TGM7: variants seen among roughly 807,000 people sequenced by gnomAD.
The protein encoded by TGM7 is protein-glutamine gamma-glutamyltransferase Z.
A neutral mutation model predicts 79.5 loss-of-function variants in TGM7; 74 were observed. The ratio of observed to expected loss-of-function variants is 0.93; its 90% CI spans 0.77 to 1.13. The LOEUF (loss-of-function observed/expected upper bound fraction) is 1.13, where lower values mean the gene tolerates loss of function less well. Ranked by LOEUF, TGM7 falls within the 50% of genes most tolerant of loss-of-function variation. TGM7 has a pLI of 0.00. For missense variants in TGM7, 912 were observed against 905.9 expected (o/e 1.01, Z -0.09); for synonymous variants, 354 against 362.5 (o/e 0.98, Z 0.27).
chr15:43,283,446 G>A (rs2042919529), intron 7 of TGM7, among the ~76,000 whole-genome samples: 1 of 151,622 alleles, frequency 6.6e-6, no homozygotes, highest in African/African-American at 2.4e-5. Flanking sequence ...GTTACATTGG[G>A]ATTTGAAAAC....
rs762405637 is a variant in TGM7, at chr15:43,284,813, C to A, written c.1004+1G>T. 7 of 1,614,172 alleles carry A rather than the reference C, an allele frequency of 4.3e-6. No homozygotes were observed. Among genetic ancestry groups the A allele is most frequent in the Non-Finnish European group, 5.9e-6 (7 of 1,180,012 alleles). Reference sequence around the variant, plus strand: ...GATCTGTTCAAGACAGTGCCTCTCACCATATTTTGTCTCGTTTCTGAGTTG... The same window carrying A: ...GATCTGTTCAAGACAGTGCCTCTCAACATATTTTGTCTCGTTTCTGAGTTG... On this transcript the variant is annotated splice_donor_variant, in intron 7 of 12. Transcript: ENST00000452443. LOFTEE classifies it high-confidence loss of function.
At chr15:43,300,549 C>T (rs2043020559) in intron 1 of TGM7, among the ~76,000 whole-genome samples, 1 of 152,222 alleles carries the variant, frequency 6.6e-6, no homozygotes, top group Non-Finnish European at 1.5e-5. Flanking sequence ...CGCCTGTAAT[C>T]CCAGCACTTT....
At chr15:43,302,217 G>T (rs376967159) in intron 1 of TGM7, 24 bp downstream of exon 1, 47 of 1,613,944 alleles carry the variant, frequency 2.9e-5, no homozygotes, top group Non-Finnish European at 3.9e-5. Context: ...CCTCCGAAAA[G>T]GTAAGTCGAT....
chr15:43,293,502 A>G lies in TGM7; in HGVS notation c.140T>C (p.Phe47Ser). The G allele has an allele frequency of 6.2e-7, 1 of 1,611,568 alleles. No individual in the cohort carries two copies. Among genetic ancestry groups the G allele is most frequent in the Non-Finnish European group, 8.5e-7 (1 of 1,179,400 alleles). ...RGQPFYLRLS[F>S]SRPFQSQNDH... ...GTTCTGGGACTGGAAGGGTCGGCTGAAGCTCAGCCGGAGGTAGAAGGGCTG... is the reference window on the plus strand; with the variant it reads ...GTTCTGGGACTGGAAGGGTCGGCTGGAGCTCAGCCGGAGGTAGAAGGGCTG... Residue 47 changes from phenylalanine (F) to serine (S), a missense_variant, in exon 2 of 13, where the codon TTC becomes TCC. Coordinates refer to ENST00000452443, the MANE Select transcript of TGM7 (RefSeq NM_052955.3).
Position 43,292,743 on chromosome 15 carries a change from T to C in TGM7, c.405A>G (p.Gly135=). The change falls in exon 3 of 13, where the codon GGA becomes GGG. Residue 135 remains glycine (G), a synonymous_variant. Transcript: ENST00000452443. The part of the protein sequence containing the change: ...GQGHSVTYPL[G]TFILLFNPWS... ...AAGGGTTAAAAAGTAGGATGAAAGTTCCCAGCGGGTAAGTCACACTGTGAC... is the reference window on the plus strand; with the variant it reads ...AAGGGTTAAAAAGTAGGATGAAAGTCCCCAGCGGGTAAGTCACACTGTGAC... 1.2e-6 allele frequency: 2 copies of C among 1,614,140 alleles called. No individual in the cohort carries two copies. The highest frequency in any genetic ancestry group is 1.7e-6 in the Non-Finnish European group (2 of 1,180,032).
At chr15:43,280,849 G>A (rs568646781) in intron 9 of TGM7, among the ~76,000 whole-genome samples, 62 of 152,308 alleles carry the variant, frequency 4.1e-4, no homozygotes, top group Non-Finnish European at 6.3e-4. Context: ...TAAGAAAAGA[G>A]AAGGAGAAAA....
chr15:43,290,174 C>T (rs1039120968), intron 4 of TGM7, among the ~76,000 whole-genome samples: 14 of 152,136 alleles, frequency 9.2e-5, no homozygotes, highest in Non-Finnish European at 1.9e-4. Flanking sequence ...CCTAGGTTTT[C>T]TTCTAGGGTT....
rs200904001 is a variant in TGM7, at chr15:43,296,166, CT to C, written c.11-2536del. On this transcript the variant is annotated intron_variant, in intron 1 of 12. Transcript: ENST00000452443. ...AGCAGCCGGGTGAGGTGGCTCACGC[CT>C]GTAATCCCAGCACTTTGGGAGGCCA... Among the ~76,000 whole-genome samples the C allele has an allele frequency of 7.7e-3, 1,168 of 152,302 alleles. 7 individuals are homozygous for C. The highest frequency in any genetic ancestry group is 0.019 in the South Asian group (94 of 4,824).
chr15:43,291,166 T>G (rs987953597), intron 4 of TGM7, among the ~76,000 whole-genome samples: 1 of 152,172 alleles, frequency 6.6e-6, no homozygotes, highest in African/African-American at 2.4e-5. Flanking sequence ...ATGCTTCCAG[T>G]TTTTGCCCAT....
intron 4 of TGM7, among the ~76,000 whole-genome samples, chr15:43,288,546 G>C (rs952471044): frequency 3.3e-5 from 5 of 151,992 alleles, no homozygotes; most frequent in African/African-American, 1.2e-4. Flanking sequence ...TTTGCAGAAA[G>C]AGTCATCATC....
At position 43,280,533 on chromosome 15, in the gene TGM7, G is replaced by A. The variant is rs2042902628; in HGVS notation, c.1352-582C>T. Among the ~76,000 whole-genome samples the A allele has an allele frequency of 2.0e-5, 3 of 152,256 alleles. No homozygotes were observed. The South Asian group carries it at 6.2e-4, about 32-fold the overall frequency. On this transcript the variant is annotated intron_variant, in intron 9 of 12. Transcript: ENST00000452443. ...AGCTATTCAGGAGGGTGAGGCAGGAGAATAGCTTGAACCCAGGAGGTGGAG... is the reference window on the plus strand; with the variant it reads ...AGCTATTCAGGAGGGTGAGGCAGGAAAATAGCTTGAACCCAGGAGGTGGAG...
At chr15:43,296,847 C>G (rs915888541) in intron 1 of TGM7, among the ~76,000 whole-genome samples, 19 of 152,124 alleles carry the variant, frequency 1.2e-4, no homozygotes, top group Non-Finnish European at 2.4e-4. Context: ...TTATTCCACT[C>G]CACTGAAGTG....
chr15:43,297,237 C>T (rs979292304), intron 1 of TGM7, among the ~76,000 whole-genome samples: 15 of 152,158 alleles, frequency 9.9e-5, no homozygotes, highest in African/African-American at 3.4e-4. Flanking sequence ...GGGTGGATCA[C>T]GAGCTCAGGA....
intron 12 of TGM7, 120 bp downstream of exon 12, chr15:43,276,742 G>A (rs2042879653): frequency 3.2e-6 from 5 of 1,539,714 alleles, no homozygotes; most frequent in Non-Finnish European, 4.4e-6. Flanking sequence ...CTTTCCTGAG[G>A]AGGGTGAGAA....
chr15:43,295,416 C>T (rs916209099), intron 1 of TGM7, among the ~76,000 whole-genome samples: 2 of 152,152 alleles, frequency 1.3e-5, no homozygotes, highest in African/African-American at 4.8e-5. Context: ...CATGGTGAAA[C>T]CCTGCATCTA....
chr15:43,276,681 C>T, intron 12 of TGM7, 67 bp from the exon 13 acceptor site: 1 of 1,568,718 alleles, frequency 6.4e-7, no homozygotes, highest in Non-Finnish European at 8.6e-7. Context: ...TGATCTGGTT[C>T]CCCTCTGGGT....
Position 43,287,361 on chromosome 15 carries a change from T to C in TGM7, c.784A>G (p.Ile262Val), listed in dbSNP as rs1283008880. 1.9e-6 allele frequency: 3 copies of C among 1,614,056 alleles called. No homozygotes were observed. Among genetic ancestry groups the C allele is most frequent in the Non-Finnish European group, 2.5e-6 (3 of 1,180,016 alleles). ...SPLEWKGSVAILQQWSARGGQ... is the reference protein window; with the variant it reads ...SPLEWKGSVAVLQQWSARGGQ... The stretch of plus-strand genomic sequence containing the variant: ...CCCCTGGCTGACCACTGCTGTAGGA[T>C]GGCCACACTGCCCTTCCACTCCAGA... Residue 262 changes from isoleucine (I) to valine (V), a missense_variant, in exon 6 of 13, where the codon ATC (isoleucine) becomes GTC (valine). Ile to Val is a conservative substitution (Grantham distance 29, BLOSUM62 3). Coordinates refer to ENST00000452443, the MANE Select transcript of TGM7 (RefSeq NM_052955.3).
chr15:43,276,760 G>T lies in TGM7; in HGVS notation c.1973+102C>A, dbSNP rs1293780245. On this transcript the variant is annotated intron_variant, in intron 12 of 12. Coordinates refer to ENST00000452443, the MANE Select transcript of TGM7 (RefSeq NM_052955.3). ...TCCTGAGGAGGGTGAGAAAGTGGGG[G>T]CAGAGAGGCACTGCACAGGAGACTG... is the stretch of plus-strand genomic sequence containing the variant. The T allele has an allele frequency of 3.9e-6, 6 of 1,543,362 alleles. No homozygotes were observed. The Admixed American group carries it at 9.5e-5, about 24-fold the overall frequency.
intron 7 of TGM7, among the ~76,000 whole-genome samples, chr15:43,283,226 T>C (rs2042918569): frequency 6.6e-6 from 1 of 152,236 alleles, no homozygotes; most frequent in South Asian, 2.1e-4. Context: ...CCCTGTATAG[T>C]TCATAAACCC....
Sources: gnomAD v4.1 joint callset for allele counts (sites outside exome capture counted in the v4.1 genomes callset) on GRCh38, gnomAD v4.1.1 for gene constraint, MANE v1.5 for transcripts, NCBI Gene and HGNC (gene_info 2026-07-23, HGNC 2026-07-21) for gene names.